NCOA3: variants seen among roughly 807,000 people sequenced by gnomAD.
NCOA3 encodes CBP-interacting protein.
Under a neutral mutation model 158.8 loss-of-function variants are expected in NCOA3, and 51 were observed. That is an observed-to-expected ratio of 0.32 (90% CI 0.26 to 0.41). NCOA3 has a LOEUF of 0.41. Ranked by LOEUF, NCOA3 falls within the 10% of genes least tolerant of loss-of-function variation. The pLI is 1.00. For synonymous variants in NCOA3, 537 were observed against 592.4 expected (o/e 0.91, Z 1.36); for missense variants, 1,510 against 1,746.6 (o/e 0.86, Z 2.41).
intron 1 of NCOA3, among the ~76,000 whole-genome samples, chr20:47,537,383 T>C (rs2084651391): frequency 7.2e-6 from 1 of 139,196 alleles, no homozygotes; most frequent in African/African-American, 2.7e-5. Context: ...AGTGTTTTTC[T>C]ATAGAAAGGT....
intron 1 of NCOA3, among the ~76,000 whole-genome samples, chr20:47,509,909 C>G (rs1049712155): frequency 1.4e-4 from 22 of 152,120 alleles, no homozygotes; most frequent in African/African-American, 4.8e-4. Flanking sequence ...ATGTGTTAAT[C>G]TCAATTGAGG....
intron 2 of NCOA3, among the ~76,000 whole-genome samples, chr20:47,613,584 T>G (rs1268187741): frequency 1.3e-5 from 2 of 151,506 alleles, no homozygotes; most frequent in Non-Finnish European, 2.9e-5. Context: ...ATAAAAAATT[T>G]CCCTCTCTGA....
At chr20:47,538,338 G>T (rs1281069855) in intron 1 of NCOA3, among the ~76,000 whole-genome samples, 3 of 152,180 alleles carry the variant, frequency 2.0e-5, no homozygotes, top group Non-Finnish European at 4.4e-5. Context: ...TAGAAGCGAA[G>T]AATAATATTA....
intron 1 of NCOA3, among the ~76,000 whole-genome samples, chr20:47,521,402 G>A (rs2084331112): frequency 6.6e-6 from 1 of 152,070 alleles, no homozygotes; most frequent in South Asian, 2.1e-4. Context: ...CACCTTCACA[G>A]ATGGAGCAAT....
chr20:47,538,419 G>A (rs967437864), intron 1 of NCOA3, among the ~76,000 whole-genome samples: 3 of 152,218 alleles, frequency 2.0e-5, no homozygotes, highest in African/African-American at 7.2e-5. Context: ...TGATGTTCCA[G>A]TCTGTAACTG....
chr20:47,627,556 CAA>C lies in NCOA3; in HGVS notation c.533-3_533-2del, dbSNP rs754944475. The C allele has an allele frequency of 2.9e-5, 46 of 1,586,302 alleles. 1 individual carries two copies. In the African/African-American group the frequency reaches 5.7e-4, roughly 20 times the overall value. On this transcript the variant is annotated splice_polypyrimidine_tract_variant and splice_region_variant and intron_variant, in intron 6 of 22. Coordinates refer to ENST00000371998, the MANE Select transcript of NCOA3 (RefSeq NM_181659.3). The stretch of plus-strand genomic sequence containing the variant: ...TAAAATGTCATTTCAATTTGTTTTC[CAA>C]AGTTAATGGAGTTTCCTGGACAAAT...
At chr20:47,528,621 A>G (rs2084495737) in intron 1 of NCOA3, among the ~76,000 whole-genome samples, 1 of 152,166 alleles carries the variant, frequency 6.6e-6, no homozygotes, top group Admixed American at 6.6e-5. Context: ...TTCTATGCGT[A>G]ACTGTTCTAC....
Position 47,642,348 on chromosome 20 carries a change from T to G in NCOA3, c.3216T>G (p.Ile1072Met). The change falls in exon 17 of 23, where the codon ATT becomes ATG. Residue 1072 changes from isoleucine (I) to methionine (M), a missense_variant. Physicochemically the swap from Ile to Met is conservative, Grantham distance 10 (BLOSUM62 1). Around this residue, in one of 4 missense-constraint regions of NCOA3, gnomAD observed 1,017 missense variants for 1,098.3 expected, o/e 0.93. Coordinates refer to ENST00000371998, the MANE Select transcript of NCOA3 (RefSeq NM_181659.3). Reference protein sequence around the residue: ...SNTDATGLEEIDRALGIPELV... With the variant: ...SNTDATGLEEMDRALGIPELV... ...CAGATGCCACAGGCCTGGAAGAAAT[T>G]GACAGAGCTTTGGGCATTCCTGAAC... 6.2e-7 allele frequency: 1 copy of G among 1,609,856 alleles called. No homozygotes were observed. Among genetic ancestry groups the G allele is most frequent in the Non-Finnish European group, 8.5e-7 (1 of 1,178,872 alleles).
At chr20:47,544,310 ATAC>A (rs1302030041) in intron 1 of NCOA3, among the ~76,000 whole-genome samples, 1 of 133,954 alleles carries the variant, frequency 7.5e-6, no homozygotes, top group Non-Finnish European at 1.6e-5. Flanking sequence ...CTTTTATTTA[ATAC>A]TACTTTTTTT....
chr20:47,570,937 TATACACACACACACACACACAC>T (rs1419533377), intron 1 of NCOA3, among the ~76,000 whole-genome samples: 3 of 111,658 alleles, frequency 2.7e-5, no homozygotes, highest in African/African-American at 1.1e-4. Flanking sequence ...CAGTAATATA[TATACACACACACACACACACAC>T]ACACACACAC....
At chr20:47,641,314 C>T (rs1054531182) in intron 16 of NCOA3, among the ~76,000 whole-genome samples, 5 of 147,392 alleles carry the variant, frequency 3.4e-5, no homozygotes, top group Non-Finnish European at 7.5e-5. Flanking sequence ...TCAGTGATAG[C>T]TCAACATTTC....
At chr20:47,580,629 A>G (rs1185064547) in intron 1 of NCOA3, among the ~76,000 whole-genome samples, 2 of 140,598 alleles carry the variant, frequency 1.4e-5, no homozygotes, top group Admixed American at 1.5e-4. Flanking sequence ...ACCCCACCCC[A>G]TGACCCTCCT....
At chr20:47,646,449 G>A (rs2086687405) in intron 17 of NCOA3, among the ~76,000 whole-genome samples, 1 of 152,164 alleles carries the variant, frequency 6.6e-6, no homozygotes, top group African/African-American at 2.4e-5. Flanking sequence ...GGGAATCATG[G>A]TGTCTGTTTT....
rs149467793 is a variant in NCOA3, at chr20:47,612,262, TA to T, written c.-19-9957del. On this transcript the variant is annotated intron_variant, in intron 2 of 22. Coordinates refer to ENST00000371998, the MANE Select transcript of NCOA3 (RefSeq NM_181659.3). ...AAAAGAGAAGAGGAATGGTGGTAGTTAAAAAAAAAATTTGTAAAAAATAGAG... is the reference window on the plus strand; with the variant it reads ...AAAAGAGAAGAGGAATGGTGGTAGTTAAAAAAAAATTTGTAAAAAATAGAG... 7.9e-3 allele frequency among the ~76,000 whole-genome samples: 1,194 copies of T among 150,858 alleles called. 21 individuals are homozygous for T. The highest frequency in any genetic ancestry group is 0.027 in the African/African-American group (1,128 of 41,206).
chr20:47,570,984 A>ATGTGTGTGTGTGTGTGTGTG lies in NCOA3; in HGVS notation c.-98-12180_-98-12179insGTGTGTGTGTGTGTGTGTGT, dbSNP rs74178747. Among the ~76,000 whole-genome samples, 843 of 120,774 alleles carry ATGTGTGTGTGTGTGTGTGTG rather than the reference A, an allele frequency of 7.0e-3. 21 individuals are homozygous for ATGTGTGTGTGTGTGTGTGTG. Among genetic ancestry groups the ATGTGTGTGTGTGTGTGTGTG allele is most frequent in the African/African-American group, 0.026 (799 of 30,176 alleles). 79.2% of individuals were successfully genotyped at this position (120,774 alleles called of 152,430 possible). On this transcript the variant is annotated intron_variant, in intron 1 of 22. Transcript: ENST00000371998. ...CACACACACACAAGTATATACATATATGTGTGTGTGTGTGTGTGTATATAC... is the reference window on the plus strand; with the variant it reads ...CACACACACACAAGTATATACATATATGTGTGTGTGTGTGTGTGTGTGTGTGTGTGTGTGTGTGTATATAC...
rs2086343599 is a variant in NCOA3 at position 47,627,578 on chromosome 20, A to G, written c.550A>G (p.Thr184Ala). The change falls in exon 7 of 23, where the codon ACA (threonine) becomes GCA (alanine). Residue 184 changes from threonine (T) to alanine (A), a missense_variant. Thr to Ala is a moderately conservative substitution (Grantham distance 58, BLOSUM62 0). Coordinates refer to ENST00000371998, the MANE Select transcript of NCOA3 (RefSeq NM_181659.3). The part of the protein sequence containing the change: ...PKSTVNGVSW[T>A]NETQRQKSHT... Reference sequence around the variant, plus strand: ...TTCCAAAGTTAATGGAGTTTCCTGGACAAATGAGACCCAAAGACAAAAAAG... The same window carrying G: ...TTCCAAAGTTAATGGAGTTTCCTGGGCAAATGAGACCCAAAGACAAAAAAG... The G allele has an allele frequency of 6.2e-7, 1 of 1,611,178 alleles. No individual in the cohort carries two copies. Among genetic ancestry groups the G allele is most frequent in the Admixed American group, 1.7e-5 (1 of 59,268 alleles).
At chr20:47,556,295 G>A (rs1223768220) in intron 1 of NCOA3, among the ~76,000 whole-genome samples, 1 of 152,154 alleles carries the variant, frequency 6.6e-6, no homozygotes, top group Non-Finnish European at 1.5e-5. Context: ...AACAAGAAGG[G>A]GAAGAGTTTT....
chr20:47,598,826 A>G (rs1568714864), intron 2 of NCOA3, among the ~76,000 whole-genome samples: 1 of 152,264 alleles, frequency 6.6e-6, no homozygotes, highest in East Asian at 1.9e-4. Flanking sequence ...CAGAAATAAA[A>G]AGCAATGAAG....
At chr20:47,646,052 G>A (rs566793050) in intron 17 of NCOA3, among the ~76,000 whole-genome samples, 18 of 152,280 alleles carry the variant, frequency 1.2e-4, no homozygotes, top group African/African-American at 4.1e-4. Flanking sequence ...ACATCTGTGA[G>A]GGGTTGGTTT....
Sources: gnomAD v4.1 joint callset for allele counts (sites outside exome capture counted in the v4.1 genomes callset) on GRCh38, gnomAD v4.1.1 for gene constraint, gnomAD v4.1.1 regional missense constraint, MANE v1.5 for transcripts, NCBI Gene and HGNC (gene_info 2026-07-23, HGNC 2026-07-21) for gene names.